SLC44A5: variants seen among roughly 807,000 people sequenced by gnomAD.
SLC44A5 encodes the protein choline transporter-like protein 5.
Under a neutral mutation model 101.8 loss-of-function variants are expected in SLC44A5, and 57 were observed. That is an observed-to-expected ratio of 0.56 (90% confidence interval 0.45 to 0.70). The LOEUF (loss-of-function observed/expected upper bound fraction) is 0.70. Among genes scored for constraint, SLC44A5 ranks in the 30% least tolerant of loss-of-function variants. The pLI is 0.00. For synonymous variants in SLC44A5, 281 were observed against 290.9 expected, an observed-to-expected ratio of 0.97 and a Z score of 0.35; for missense variants, 737 against 853.1, an observed-to-expected ratio of 0.86 and a Z score of 1.70.
intron 4 of SLC44A5, among the ~76,000 whole-genome samples, chr1:75,336,030 A>C (rs976935043): frequency 2.6e-5 from 4 of 152,138 alleles, no homozygotes; most frequent in African/African-American, 9.7e-5. Flanking sequence ...TGGAGGACAG[A>C]GGTGTGCATT....
intron 2 of SLC44A5, among the ~76,000 whole-genome samples, chr1:75,501,568 C>A (rs78260972): frequency 0.021 from 3,201 of 152,184 alleles, 124 homozygotes; most frequent in African/African-American, 0.073. Flanking sequence ...CTATAAAGTT[C>A]AAAGCATTTT....
rs763952990 is a variant in SLC44A5, at chr1:75,288,096, C to T, written c.175+12516G>A. Among the ~76,000 whole-genome samples, 60 of 151,566 alleles carry T rather than the reference C, an allele frequency of 4.0e-4. 1 individual carries two copies. The highest frequency in any genetic ancestry group is 3.4e-3 in the Middle Eastern group (1 of 290). ...TTTCGGCTGTCTCACAGAGCCTCAGCAGCAAGCCCAAAAAAAACTTTTATA... is the reference window on the plus strand; with the variant it reads ...TTTCGGCTGTCTCACAGAGCCTCAGTAGCAAGCCCAAAAAAAACTTTTATA... On this transcript the variant is annotated intron_variant, in intron 5 of 23. Coordinates refer to ENST00000370859, the MANE Select transcript of SLC44A5 (RefSeq NM_001130058.2).
At chr1:75,231,508 C>G (rs186390573) in intron 12 of SLC44A5, among the ~76,000 whole-genome samples, 2 of 152,220 alleles carry the variant, frequency 1.3e-5, no homozygotes, top group Admixed American at 1.3e-4. Flanking sequence ...CTTTCTCTCT[C>G]TTGTCCTAGA....
intron 3 of SLC44A5, among the ~76,000 whole-genome samples, chr1:75,350,198 A>G (rs1658541413): frequency 6.6e-6 from 1 of 152,060 alleles, no homozygotes; most frequent in African/African-American, 2.4e-5. Flanking sequence ...GAGTTCTTAT[A>G]AGAAGAGGAA....
At chr1:75,238,457 C>T in intron 10 of SLC44A5, 56 bp downstream of exon 10, 8 of 1,451,230 alleles carry the variant, frequency 5.5e-6, no homozygotes, top group Non-Finnish European at 7.3e-6. Flanking sequence ...GCGCTTTAGT[C>T]TCGAGTGCAA....
chr1:75,445,310 G>T (rs926544596), intron 2 of SLC44A5, among the ~76,000 whole-genome samples: 3 of 151,958 alleles, frequency 2.0e-5, no homozygotes, highest in African/African-American at 2.4e-5. Flanking sequence ...TGTGTCTTCT[G>T]CCATGAGTAA....
At chr1:75,405,233 T>G (rs1254084608) in intron 2 of SLC44A5, among the ~76,000 whole-genome samples, 3 of 152,112 alleles carry the variant, frequency 2.0e-5, no homozygotes, top group Non-Finnish European at 4.4e-5. Context: ...ACAAAGAGAC[T>G]TAGACCCCCA....
At chr1:75,702,462 A>G in the SLC44A5 span, among the ~76,000 whole-genome samples, 2 of 152,168 alleles carry the variant, frequency 1.3e-5, no homozygotes, top group Non-Finnish European at 2.9e-5. Context: ...CCATATGTAG[A>G]AAGCTGAAAC....
At chr1:75,405,370 T>C (rs114865780) in intron 2 of SLC44A5, among the ~76,000 whole-genome samples, 13,875 of 152,122 alleles carry the variant, frequency 0.091, 817 homozygotes, top group Admixed American at 0.18. Flanking sequence ...AATACATCTG[T>C]AGAACTCTCC....
rs548698330 is a variant in SLC44A5 at position 75,599,733 on chromosome 1, C to T, written c.-70+11307G>A. Among the ~76,000 whole-genome samples the T allele has an allele frequency of 2.6e-5, 4 of 152,158 alleles. No homozygotes were observed. In the South Asian group the frequency reaches 8.3e-4, roughly 32 times the overall value. ...ACACACACATACAAACCATCCAAAA[C>T]AATAACATCATGAAGGCAGAGAAGC... On this transcript the variant is annotated intron_variant, in intron 1 of 23. Transcript: ENST00000370859.
chr1:75,720,920 C>T, the SLC44A5 span, among the ~76,000 whole-genome samples: 1 of 152,084 alleles, frequency 6.6e-6, no homozygotes, highest in East Asian at 1.9e-4. Flanking sequence ...TTCTGGCTGA[C>T]ACTTGGTTAA....
intron 1 of SLC44A5, among the ~76,000 whole-genome samples, chr1:75,603,357 CT>C (rs34089097): frequency 2.0e-5 from 3 of 147,230 alleles, no homozygotes; most frequent in African/African-American, 5.0e-5. Flanking sequence ...GTATTTGTAC[CT>C]TTTTTTTTTT....
Position 75,478,017 on chromosome 1 carries a change from C to G in SLC44A5, c.13+63418G>C, listed in dbSNP as rs1044626590. The stretch of plus-strand genomic sequence containing the variant: ...CAGCCAGAGAGAAAGGTCGGGTTAC[C>G]CACAAAGGGAAGCCCATCAGACTAA... On this transcript the variant is annotated intron_variant, in intron 2 of 23. Transcript: ENST00000370859. 6.6e-5 allele frequency among the ~76,000 whole-genome samples: 10 copies of G among 152,078 alleles called. 1 individual carries two copies. Among genetic ancestry groups the G allele is most frequent in the African/African-American group, 2.4e-4 (10 of 41,386 alleles).
chr1:75,299,765 C>T (rs1654273674), intron 5 of SLC44A5, among the ~76,000 whole-genome samples: 1 of 151,626 alleles, frequency 6.6e-6, no homozygotes, highest in Non-Finnish European at 1.5e-5. Flanking sequence ...AATCCCAGCA[C>T]TTTGGGAGGC....
chr1:75,522,129 A>G (rs2101897261), intron 2 of SLC44A5: 1 of 152,282 alleles, frequency 6.6e-6, no homozygotes, highest in South Asian at 2.1e-4. Context: ...CAGCAGGTGA[A>G]TAGTTTTCAA....
intron 2 of SLC44A5, among the ~76,000 whole-genome samples, chr1:75,405,952 G>C (rs1343523555): frequency 1.3e-5 from 2 of 148,164 alleles, no homozygotes; most frequent in Non-Finnish European, 3.0e-5. Context: ...CAACAAAATA[G>C]ATAGACCGCT....
intron 1 of SLC44A5, among the ~76,000 whole-genome samples, chr1:75,594,234 C>T (rs1261020330): frequency 6.6e-6 from 1 of 151,834 alleles, no homozygotes; most frequent in Non-Finnish European, 1.5e-5. Flanking sequence ...ATGAATTTTA[C>T]AACCAATATT....
intron 3 of SLC44A5, among the ~76,000 whole-genome samples, chr1:75,372,680 A>G (rs1195767518): frequency 3.3e-5 from 5 of 152,256 alleles, no homozygotes; most frequent in Admixed American, 2.0e-4. Context: ...AACAGAAAAT[A>G]GAATTGACAT....
At chr1:75,642,678 AT>A in the SLC44A5 span, among the ~76,000 whole-genome samples, 1 of 152,138 alleles carries the variant, frequency 6.6e-6, no homozygotes, top group Non-Finnish European at 1.5e-5. Context: ...CCATAACTCA[AT>A]AAAACAAGAA....
Sources: allele counts gnomAD v4.1 joint callset (sites outside exome capture counted in the v4.1 genomes callset), GRCh38; gene constraint gnomAD v4.1.1; transcripts MANE v1.5; gene names NCBI Gene and HGNC (gene_info 2026-07-23, HGNC 2026-07-21).